The following CNTN5 variants were observed in gnomAD, a reference collection of about 807,000 sequenced individuals.
CNTN5 encodes contactin-5.
In CNTN5, 77 loss-of-function variants were observed where a neutral mutation model predicts 129.1. The observed-to-expected ratio is 0.60, with a 90% CI of 0.50 to 0.72. The LOEUF (loss-of-function observed/expected upper bound fraction) is 0.72, where lower values mean the gene tolerates loss of function less well. CNTN5 is among the 30% of genes least tolerant of loss of function. The probability of loss-of-function intolerance (pLI) is 0.00; values close to 1 mark genes in which losing one functional copy is unlikely to be tolerated. For missense variants in CNTN5, 1,478 were observed against 1,328.8 expected (o/e 1.11, Z -1.75); for synonymous variants, 509 against 465.6 (o/e 1.09, Z -1.20).
rs548775176 is a variant in CNTN5 at position 100,041,971 on chromosome 11, A to G, written c.981-19241A>G. ...CAGAAAGGAGAGAGATCTAAAGCTT[A>G]TATTCAAGTTAGATGCAGTTAATTT... On this transcript the variant is annotated intron_variant, in intron 9 of 24. Transcript: ENST00000524871. 3.3e-5 allele frequency among the ~76,000 whole-genome samples: 5 copies of G among 152,304 alleles called. No homozygotes were observed. In the East Asian group the frequency reaches 9.7e-4, roughly 29 times the overall value.
chr11:99,420,364 A>T (rs1476003729), intron 2 of CNTN5, among the ~76,000 whole-genome samples: 1 of 152,240 alleles, frequency 6.6e-6, no homozygotes, highest in Non-Finnish European at 1.5e-5. Flanking sequence ...ATTTTCATGC[A>T]GTGTGCATGC....
intron 2 of CNTN5, among the ~76,000 whole-genome samples, chr11:99,443,366 G>T (rs1175965543): frequency 6.6e-6 from 1 of 152,164 alleles, no homozygotes; most frequent in Non-Finnish European, 1.5e-5. Context: ...GGTCCCAAAT[G>T]AATTGTTGTT....
At chr11:99,572,084 A>G (rs1330543938) in intron 3 of CNTN5, among the ~76,000 whole-genome samples, 2 of 152,194 alleles carry the variant, frequency 1.3e-5, no homozygotes, top group Admixed American at 1.3e-4. Context: ...AAAAGTTAAT[A>G]CTACATACAA....
At chr11:99,047,299 C>A (rs1025007392) in intron 1 of CNTN5, among the ~76,000 whole-genome samples, 8 of 150,218 alleles carry the variant, frequency 5.3e-5, no homozygotes, top group African/African-American at 2.0e-4. Flanking sequence ...TAACTTCTTT[C>A]TGCACATGTG....
intron 1 of CNTN5, among the ~76,000 whole-genome samples, chr11:99,309,416 T>G (rs1454711225): frequency 6.6e-6 from 1 of 152,242 alleles, no homozygotes; most frequent in Non-Finnish European, 1.5e-5. Flanking sequence ...GCTAAAATCT[T>G]TCCATTCTGG....
intron 1 of CNTN5, among the ~76,000 whole-genome samples, chr11:99,289,244 T>C (rs1864070478): frequency 5.3e-5 from 8 of 151,866 alleles, no homozygotes; most frequent in Admixed American, 5.3e-4. Context: ...TTGTCGTTAC[T>C]TATGGTTCAT....
chr11:99,935,740 T>C (rs1950302038), intron 7 of CNTN5, among the ~76,000 whole-genome samples: 1 of 152,158 alleles, frequency 6.6e-6, no homozygotes, highest in Non-Finnish European at 1.5e-5. Flanking sequence ...CAATATAAGT[T>C]AGCCTCACCT....
At chr11:100,076,064 T>C (rs1944114474) in intron 13 of CNTN5, among the ~76,000 whole-genome samples, 1 of 152,094 alleles carries the variant, frequency 6.6e-6, no homozygotes, top group African/African-American at 2.4e-5. Context: ...ATTGATCAGA[T>C]AGTGATTGAA....
At position 100,196,003 on chromosome 11, in the gene CNTN5, G is replaced by T. The variant is rs1399554004; in HGVS notation, c.1884+2340G>T. 6.6e-5 allele frequency among the ~76,000 whole-genome samples: 10 copies of T among 152,056 alleles called. 1 individual carries two copies. The South Asian group carries it at 1.5e-3, about 22-fold the overall frequency. ...TCTGTGAGACCAAGGACAGACTGTGGGAGTCAGAGGGACAGGATGGGGCTG... is the reference window on the plus strand; with the variant it reads ...TCTGTGAGACCAAGGACAGACTGTGTGAGTCAGAGGGACAGGATGGGGCTG... On this transcript the variant is annotated intron_variant, in intron 15 of 24. Coordinates refer to ENST00000524871, the MANE Select transcript of CNTN5 (RefSeq NM_014361.4).
intron 1 of CNTN5, among the ~76,000 whole-genome samples, chr11:99,179,249 C>G (rs1037301204): frequency 2.6e-5 from 4 of 152,084 alleles, no homozygotes; most frequent in Admixed American, 2.6e-4. Context: ...TCAGACCAGC[C>G]TGGCCAACAT....
At chr11:99,774,775 G>A (rs970602794) in intron 3 of CNTN5, among the ~76,000 whole-genome samples, 1 of 151,928 alleles carries the variant, frequency 6.6e-6, no homozygotes, top group African/African-American at 2.4e-5. Flanking sequence ...AGTTCCGTTA[G>A]AAACATGACT....
intron 1 of CNTN5, among the ~76,000 whole-genome samples, chr11:99,097,050 C>A (rs1411359964): frequency 6.6e-6 from 1 of 151,814 alleles, no homozygotes; most frequent in African/African-American, 2.4e-5. Context: ...TGCATATTTG[C>A]AAGTAATGTG....
At chr11:100,148,147 G>GTAAC (rs1296732308) in intron 13 of CNTN5, among the ~76,000 whole-genome samples, 3 of 151,996 alleles carry the variant, frequency 2.0e-5, no homozygotes, top group Admixed American at 6.6e-5. Flanking sequence ...TTTAAAAACT[G>GTAAC]TAACTCATTC....
intron 18 of CNTN5, among the ~76,000 whole-genome samples, chr11:100,286,941 G>A (rs1276270835): frequency 6.6e-6 from 1 of 152,130 alleles, no homozygotes; most frequent in Non-Finnish European, 1.5e-5. Context: ...ACCAAAGCTC[G>A]AGAACTACGT....
chr11:99,781,822 T>C (rs1398149064), intron 3 of CNTN5, among the ~76,000 whole-genome samples: 1 of 152,104 alleles, frequency 6.6e-6, no homozygotes, highest in Non-Finnish European at 1.5e-5. Flanking sequence ...TGATGGGACG[T>C]ATCTCAAAAT....
At chr11:99,445,684 G>T (rs915408269) in intron 2 of CNTN5, among the ~76,000 whole-genome samples, 2 of 152,140 alleles carry the variant, frequency 1.3e-5, no homozygotes, top group Non-Finnish European at 2.9e-5. Context: ...TAAGGAAATG[G>T]ACAGCGTCCT....
intron 1 of CNTN5, among the ~76,000 whole-genome samples, chr11:99,201,874 C>A (rs575451199): frequency 2.0e-5 from 3 of 152,188 alleles, no homozygotes; most frequent in African/African-American, 7.2e-5. Context: ...GGATTTTATT[C>A]TAGTGAGACT....
chr11:99,947,506 T>C (rs762536094), intron 7 of CNTN5, among the ~76,000 whole-genome samples: 2 of 152,172 alleles, frequency 1.3e-5, no homozygotes, highest in Non-Finnish European at 2.9e-5. Flanking sequence ...GCATGAAGGA[T>C]TAATGAGCAT....
At chr11:100,273,893 A>G (rs1950454134) in intron 18 of CNTN5, among the ~76,000 whole-genome samples, 1 of 152,216 alleles carries the variant, frequency 6.6e-6, no homozygotes, top group Non-Finnish European at 1.5e-5. Flanking sequence ...ATATGAACCA[A>G]AAAAGAGTCA....
Sources: gnomAD v4.1 joint callset for allele counts (sites outside exome capture counted in the v4.1 genomes callset) on GRCh38, gnomAD v4.1.1 for gene constraint, MANE v1.5 for transcripts, NCBI Gene and HGNC (gene_info 2026-07-23, HGNC 2026-07-21) for gene names.